PAWR: variants seen among roughly 807,000 people sequenced by gnomAD.
The protein encoded by PAWR is PRKC apoptosis WT1 regulator protein.
PAWR carries 23 observed loss-of-function variants against 32.0 expected under a neutral mutation model. The ratio of observed to expected loss-of-function variants is 0.72; its 90% CI spans 0.52 to 1.02. The LOEUF (loss-of-function observed/expected upper bound fraction) is 1.02. Ranked by LOEUF, PAWR falls within the 50% of genes least tolerant of loss-of-function variation. The pLI is 0.00. For missense variants in PAWR, 457 were observed against 437.7 expected, an observed-to-expected ratio of 1.04 and a Z score of -0.39; for synonymous variants, 226 against 187.1, an observed-to-expected ratio of 1.21 and a Z score of -1.70.
intron 2 of PAWR, among the ~76,000 whole-genome samples, chr12:79,652,174 G>A (rs572333954): frequency 1.3e-5 from 2 of 152,114 alleles, no homozygotes; most frequent in South Asian, 4.1e-4. Context: ...TAATGGTGAT[G>A]GTTACAAAAC....
At chr12:79,662,201 CAAAAAAAAAAAAAA>C (rs57565065) in intron 2 of PAWR, among the ~76,000 whole-genome samples, 1 of 45,712 alleles carries the variant, frequency 2.2e-5, no homozygotes, top group Non-Finnish European at 5.0e-5. Context: ...AGACATCTCT[CAAAAAAAAAAAAAA>C]AAAAAAAAGC....
chr12:79,639,886 C>CTATTCCT (rs137876550), intron 2 of PAWR, among the ~76,000 whole-genome samples: 3 of 79,758 alleles, frequency 3.8e-5, no homozygotes, highest in Non-Finnish European at 6.4e-5. Flanking sequence ...ATTCCTATTC[C>CTATTCCT]ATTCCATTCC....
At chr12:79,645,030 C>T (rs527672404) in intron 2 of PAWR, among the ~76,000 whole-genome samples, 8 of 106,894 alleles carry the variant, frequency 7.5e-5, no homozygotes, top group African/African-American at 4.8e-4. Context: ...GCTCCCTCCA[C>T]CCCCACCACA....
intron 2 of PAWR, among the ~76,000 whole-genome samples, chr12:79,645,067 C>CACACAA (rs999026869): frequency 6.6e-6 from 1 of 151,300 alleles, no homozygotes; most frequent in Non-Finnish European, 1.5e-5. Flanking sequence ...CACACACACA[C>CACACAA]AAAAATCAAT....
chr12:79,650,712 A>AT lies in PAWR; in HGVS notation c.517-29506dup, dbSNP rs1208374151. 2.4e-4 allele frequency among the ~76,000 whole-genome samples: 22 copies of AT among 91,200 alleles called. No individual in the cohort carries two copies. The Admixed American group carries it at 3.3e-3, about 14-fold the overall frequency. The allele number at this position is 91,200 out of a possible 152,430, so 59.8% of individuals were successfully genotyped here. ...TCAAGTTCAACAGAGCTTAAAGGTT[A>AT]TTAAAAAAAAAAAAAAAAAAAAAAG... On this transcript the variant is annotated intron_variant, in intron 2 of 6. Transcript: ENST00000328827.
At chr12:79,667,596 T>C (rs1256397724) in intron 2 of PAWR, among the ~76,000 whole-genome samples, 1 of 152,116 alleles carries the variant, frequency 6.6e-6, no homozygotes, top group Non-Finnish European at 1.5e-5. Context: ...TTGGACAAAA[T>C]ATAAAAGACA....
chr12:79,634,062 T>C (rs1403058571), intron 2 of PAWR, among the ~76,000 whole-genome samples: 3 of 152,188 alleles, frequency 2.0e-5, no homozygotes, highest in African/African-American at 7.2e-5. Context: ...CTTACATCTG[T>C]ATATGATTGA....
intron 2 of PAWR, among the ~76,000 whole-genome samples, chr12:79,638,993 A>G (rs1157966632): frequency 7.6e-6 from 1 of 132,150 alleles, no homozygotes; most frequent in Non-Finnish European, 1.6e-5. Context: ...GCTCACTGCA[A>G]CCTCCACCTC....
intron 4 of PAWR, chr12:79,604,598 T>A: frequency 7.8e-7 from 1 of 1,278,362 alleles, no homozygotes; most frequent in Middle Eastern, 2.2e-4. Flanking sequence ...AATTCCCAAA[T>A]AACCAACAAC....
At chr12:79,647,010 T>G (rs1277093336) in intron 2 of PAWR, among the ~76,000 whole-genome samples, 1 of 151,842 alleles carries the variant, frequency 6.6e-6, no homozygotes, top group Non-Finnish European at 1.5e-5. Flanking sequence ...ACCCCATCTT[T>G]ACTAAAATAC....
chr12:79,596,945 T>C (rs1042153787), intron 4 of PAWR: 33 of 303,486 alleles, frequency 1.1e-4, no homozygotes, highest in African/African-American at 7.1e-4. Flanking sequence ...CTGCCCTTCA[T>C]AGAGCTTTTG....
intron 2 of PAWR, among the ~76,000 whole-genome samples, chr12:79,671,062 G>C (rs369799385): frequency 6.7e-6 from 1 of 148,482 alleles, no homozygotes; most frequent in South Asian, 2.1e-4. Context: ...GCTGAGGCAG[G>C]AGAATTGCTT....
chr12:79,585,183 C>A lies in PAWR; in HGVS notation c.*7424G>T. 1 of 451,388 alleles carries A rather than the reference C, an allele frequency of 2.2e-6. No individual in the cohort carries two copies. The highest frequency in any genetic ancestry group is 4.4e-6 in the Non-Finnish European group (1 of 225,414). The allele number at this position is 451,388 out of a possible 1,614,324, so 28.0% of individuals were successfully genotyped here. ...AAACAAAACAAAAACAAACAAAAAA[C>A]AAGTTCATGTTATTTCTACAATGTC... On this transcript the variant is annotated 3_prime_UTR_variant, in exon 7 of 7. Transcript: ENST00000328827.
intron 4 of PAWR, among the ~76,000 whole-genome samples, chr12:79,600,298 C>T (rs568160410): frequency 3.3e-5 from 5 of 152,136 alleles, no homozygotes; most frequent in African/African-American, 1.2e-4. Context: ...GTAAATCTGA[C>T]TTATAAATAA....
intron 2 of PAWR, among the ~76,000 whole-genome samples, chr12:79,626,568 CT>C (rs545605431): frequency 2.1e-4 from 32 of 149,862 alleles, no homozygotes; most frequent in Middle Eastern, 7.0e-3. Context: ...GAAATGACAA[CT>C]TTTTTTTTCC....
At chr12:79,619,508 G>C (rs1484838251) in intron 3 of PAWR, among the ~76,000 whole-genome samples, 1 of 152,134 alleles carries the variant, frequency 6.6e-6, no homozygotes, top group African/African-American at 2.4e-5. Context: ...GAAATTGTAA[G>C]GAAGGAAAAA....
rs966889917 is a variant in PAWR at position 79,689,956 on chromosome 12, T to C, written c.289A>G (p.Met97Val). 5.8e-6 allele frequency: 8 copies of C among 1,383,776 alleles called. No individual in the cohort carries two copies. Among genetic ancestry groups the C allele is most frequent in the South Asian group, 3.4e-5 (2 of 59,546 alleles). 85.7% of individuals were successfully genotyped at this position (1,383,776 alleles called of 1,614,324 possible). ...GGGCCGGGGGCCGCCCGCGTCAGCA[T>C]GGCGGAGCCGACCGCGCAGTTCACG... ...GGVNCAVGSAMLTRAAPGPRR... is the reference protein window; with the variant it reads ...GGVNCAVGSAVLTRAAPGPRR... The change falls in exon 2 of 7, where the codon ATG (methionine) becomes GTG (valine). Residue 97 changes from methionine to valine, a missense_variant. Coordinates refer to ENST00000328827, the MANE Select transcript of PAWR (RefSeq NM_002583.4).
intron 2 of PAWR, among the ~76,000 whole-genome samples, chr12:79,643,708 T>C (rs1029067463): frequency 1.3e-5 from 2 of 152,178 alleles, no homozygotes; most frequent in African/African-American, 4.8e-5. Context: ...GCAGTTTATT[T>C]ATATTCGTGG....
chr12:79,690,017 G>T lies in PAWR; in HGVS notation c.228C>A (p.Gly76=), dbSNP rs373998397. 2.5e-5 allele frequency: 32 copies of T among 1,301,008 alleles called. 1 individual carries two copies. In the Admixed American group the frequency reaches 2.5e-4, roughly 10 times the overall value. 80.6% of individuals were successfully genotyped at this position (1,301,008 alleles called of 1,614,324 possible). The change falls in exon 2 of 7, where the codon GGC becomes GGA. Residue 76 remains glycine (G), a synonymous_variant. Coordinates refer to ENST00000328827, the MANE Select transcript of PAWR (RefSeq NM_002583.4). ...CGGGGACGGCAGGTGCGGCCGGCGC[G>T]CCGCCCGGGAGGTTGTTGTTGAGCT... is the stretch of plus-strand genomic sequence containing the variant. ...ANELNNNLPG[G]APAAPAVPGP...
Sources: allele counts gnomAD v4.1 joint callset (sites outside exome capture counted in the v4.1 genomes callset), GRCh38; gene constraint gnomAD v4.1.1; transcripts MANE v1.5; gene names NCBI Gene and HGNC (gene_info 2026-07-23, HGNC 2026-07-21).